Variants in XYLB observed in about 807,000 individuals in gnomAD.
XYLB encodes the protein xylulose kinase.
A neutral mutation model predicts 78.7 loss-of-function variants in XYLB; 62 were observed. The ratio of observed to expected loss-of-function variants is 0.79; its 90% CI spans 0.64 to 0.97. The LOEUF is 0.97. Ranked by LOEUF, XYLB falls within the 50% of genes least tolerant of loss-of-function variation. The probability of loss-of-function intolerance (pLI) is 0.00; values close to 1 mark genes in which losing one functional copy is unlikely to be tolerated. For synonymous variants in XYLB, 245 were observed against 247.4 expected, an observed-to-expected ratio of 0.99 and a Z score of 0.09; for missense variants, 687 against 676.8, an observed-to-expected ratio of 1.02 and a Z score of -0.17.
At chr3:38,375,757 C>T (rs1706820250) in intron 12 of XYLB, among the ~76,000 whole-genome samples, 1 of 152,148 alleles carries the variant, frequency 6.6e-6, no homozygotes, top group Non-Finnish European at 1.5e-5. Context: ...TTTCTGAGCT[C>T]CTAAGCCCTA....
At chr3:38,380,052 C>T (rs1047513300) in intron 15 of XYLB, among the ~76,000 whole-genome samples, 5 of 152,126 alleles carry the variant, frequency 3.3e-5, no homozygotes, top group Non-Finnish European at 7.4e-5. Context: ...CCTTCCTCTT[C>T]TCAGAAAGCC....
downstream of XYLB, among the ~76,000 whole-genome samples, chr3:38,419,944 C>T (rs1013627646): frequency 2.0e-5 from 3 of 151,922 alleles, no homozygotes; most frequent in South Asian, 2.1e-4. Flanking sequence ...CTTAGCCTCC[C>T]GAGTAACTGG....
chr3:38,388,394 A>G (rs1170449980), intron 15 of XYLB, among the ~76,000 whole-genome samples: 2 of 152,118 alleles, frequency 1.3e-5, no homozygotes, highest in East Asian at 3.8e-4. Context: ...TCTCACCACA[A>G]AAGATAAGTA....
chr3:38,446,852 G>C, the XYLB span, among the ~76,000 whole-genome samples: 1 of 152,174 alleles, frequency 6.6e-6, no homozygotes, highest in African/African-American at 2.4e-5. Context: ...CCTGGACATT[G>C]GTCTAGGCAA....
At chr3:38,441,298 T>C in the XYLB span, among the ~76,000 whole-genome samples, 1 of 152,222 alleles carries the variant, frequency 6.6e-6, no homozygotes, top group Non-Finnish European at 1.5e-5. Context: ...AAGGCTCACG[T>C]AAGTGCCACT....
chr3:38,383,677 G>T (rs146083125), intron 15 of XYLB, among the ~76,000 whole-genome samples: 3 of 152,022 alleles, frequency 2.0e-5, no homozygotes, highest in Non-Finnish European at 4.4e-5. Flanking sequence ...TGGGGGTGGG[G>T]TGGCAGGGGT....
chr3:38,439,587 C>G, the XYLB span, among the ~76,000 whole-genome samples: 1 of 152,066 alleles, frequency 6.6e-6, no homozygotes, highest in Admixed American at 6.6e-5. Flanking sequence ...ATGGTGAAAC[C>G]CTGTCTCTAC....
intron 2 of XYLB, among the ~76,000 whole-genome samples, chr3:38,352,441 G>T (rs1198168179): frequency 1.3e-5 from 2 of 152,228 alleles, no homozygotes; most frequent in Non-Finnish European, 2.9e-5. Flanking sequence ...AGATCAGTGA[G>T]TATAGTATGC....
intron 15 of XYLB, among the ~76,000 whole-genome samples, chr3:38,392,318 G>C (rs1416798150): frequency 6.6e-6 from 1 of 152,162 alleles, no homozygotes; most frequent in Non-Finnish European, 1.5e-5. Context: ...TTTGTTTTGA[G>C]ATGGAGTTTC....
intron 1 of XYLB, among the ~76,000 whole-genome samples, chr3:38,347,165 C>T (rs1360289377): frequency 6.6e-6 from 1 of 152,202 alleles, no homozygotes; most frequent in Non-Finnish European, 1.5e-5. Flanking sequence ...CCCGCCTGGA[C>T]CCAGCTACCC....
downstream of XYLB, among the ~76,000 whole-genome samples, chr3:38,425,046 C>T (rs1279752284): frequency 1.3e-5 from 2 of 152,254 alleles, no homozygotes; most frequent in African/African-American, 2.4e-5. Context: ...CCAAATGGTG[C>T]ATTCCTCGTC....
the XYLB span, among the ~76,000 whole-genome samples, chr3:38,447,279 C>T: frequency 1.3e-5 from 2 of 151,986 alleles, no homozygotes; most frequent in African/African-American, 2.4e-5. Flanking sequence ...ACAATGTTGA[C>T]GAGGATGCAG....
rs577635668 is a variant in XYLB at position 38,362,360 on chromosome 3, C to T, written c.211-577C>T. ...CTCAGGTATCCTCCCTCCTCAGCCTCCTGAGTAGCTGGGATTACAGGCTCA... is the reference window on the plus strand; with the variant it reads ...CTCAGGTATCCTCCCTCCTCAGCCTTCTGAGTAGCTGGGATTACAGGCTCA... On this transcript the variant is annotated intron_variant, in intron 3 of 18. Transcript: ENST00000207870. 5.9e-5 allele frequency among the ~76,000 whole-genome samples: 9 copies of T among 152,314 alleles called. No individual in the cohort carries two copies. The South Asian group carries it at 1.9e-3, about 32-fold the overall frequency.
the XYLB span, among the ~76,000 whole-genome samples, chr3:38,443,198 T>C: frequency 1.3e-5 from 2 of 152,162 alleles, no homozygotes; most frequent in African/African-American, 4.8e-5. Flanking sequence ...GCCGCACCAG[T>C]ATCCAAGAGG....
intron 18 of XYLB, among the ~76,000 whole-genome samples, chr3:38,406,192 C>A (rs930172009): frequency 6.6e-6 from 1 of 152,214 alleles, no homozygotes; most frequent in African/African-American, 2.4e-5. Context: ...GACAAAACTT[C>A]CAGAGAAATG....
At chr3:38,399,892 G>A (rs541582373) in intron 17 of XYLB, among the ~76,000 whole-genome samples, 1 of 152,180 alleles carries the variant, frequency 6.6e-6, no homozygotes, top group Non-Finnish European at 1.5e-5. Flanking sequence ...ACTGTCTTGT[G>A]TAGCCAGTCT....
At chr3:38,425,718 A>G (rs1709087084), downstream of XYLB, among the ~76,000 whole-genome samples, 1 of 152,224 alleles carries the variant, frequency 6.6e-6, no homozygotes, top group African/African-American at 2.4e-5. Flanking sequence ...GATATCATCA[A>G]GACACCTGAA....
intron 15 of XYLB, among the ~76,000 whole-genome samples, chr3:38,387,854 G>C (rs943342962): frequency 2.0e-5 from 3 of 151,604 alleles, no homozygotes; most frequent in African/African-American, 7.3e-5. Flanking sequence ...TAACCATTTT[G>C]TCCATCTCTT....
intron 2 of XYLB, among the ~76,000 whole-genome samples, chr3:38,351,171 CAAA>C (rs58457623): frequency 0.091 from 2,066 of 22,692 alleles, 23 homozygotes; most frequent in African/African-American, 0.14. Context: ...GAGCCTGTCT[CAAA>C]AAAAAAAAAA....
Sources: gnomAD v4.1 joint callset for allele counts (sites outside exome capture counted in the v4.1 genomes callset) on GRCh38, gnomAD v4.1.1 for gene constraint, MANE v1.5 for transcripts, NCBI Gene and HGNC (gene_info 2026-07-23, HGNC 2026-07-21) for gene names.